The following NTM variants were observed in gnomAD, a reference collection of about 807,000 sequenced individuals.
NTM encodes neurotrimin, also known as IgLON family member 2.
Under a neutral mutation model 42.1 loss-of-function variants are expected in NTM, and 13 were observed. The ratio of observed to expected loss-of-function variants is 0.31; its 90% CI spans 0.20 to 0.49. The LOEUF is 0.49. NTM is among the 20% of genes least tolerant of loss of function. The pLI, the probability that NTM is intolerant of heterozygous loss-of-function variation, is 0.99. For missense variants in NTM, 373 were observed against 452.8 expected, an observed-to-expected ratio of 0.82 and a Z score of 1.60; for synonymous variants, 187 against 179.2, an observed-to-expected ratio of 1.04 and a Z score of -0.35.
intron 7 of NTM, chr11:132,315,014 C>T: frequency 1.2e-5 from 14 of 1,127,510 alleles, no homozygotes; most frequent in Non-Finnish European, 1.5e-5. Context: ...GTTCATGTTT[C>T]ATTCTATAAT....
At chr11:132,206,624 C>T (rs959505622) in intron 3 of NTM, among the ~76,000 whole-genome samples, 2 of 152,188 alleles carry the variant, frequency 1.3e-5, no homozygotes, top group African/African-American at 2.4e-5. Flanking sequence ...ATAGTAGAGC[C>T]GGATCTCAGC....
intron 4 of NTM, among the ~76,000 whole-genome samples, chr11:132,226,286 C>T (rs1222740789): frequency 6.6e-6 from 1 of 152,182 alleles, no homozygotes; most frequent in East Asian, 1.9e-4. Context: ...GGAATTGCCA[C>T]ACTGTCTTGC....
intron 1 of NTM, among the ~76,000 whole-genome samples, chr11:131,789,636 A>AGAAGAAGAAGGAGAAGGAG: frequency 6.5e-5 from 2 of 30,902 alleles, no homozygotes; most frequent in South Asian, 1.7e-3. Context: ...AAGAAGAAGA[A>AGAAGAAGAAGGAGAAGGAG]AAGAAGAAGA....
At chr11:132,049,411 C>T (rs1444338657) in intron 2 of NTM, among the ~76,000 whole-genome samples, 2 of 152,186 alleles carry the variant, frequency 1.3e-5, no homozygotes, top group African/African-American at 2.4e-5. Flanking sequence ...TCATCCATGC[C>T]AGTCTCCTCC....
intron 2 of NTM, among the ~76,000 whole-genome samples, chr11:132,038,815 C>T (rs1293436805): frequency 6.6e-6 from 1 of 152,170 alleles, no homozygotes; most frequent in Non-Finnish European, 1.5e-5. Flanking sequence ...TGTCTGCCTT[C>T]CTCACGTCCC....
chr11:131,630,370 A>T (rs1331998859), intron 1 of NTM, among the ~76,000 whole-genome samples: 1 of 152,186 alleles, frequency 6.6e-6, no homozygotes, highest in Non-Finnish European at 1.5e-5. Context: ...CCTAGCTTCA[A>T]AGATTTGGAC....
chr11:132,104,933 A>ATGTG (rs1555263237), intron 2 of NTM, among the ~76,000 whole-genome samples: 1 of 14,638 alleles, frequency 6.8e-5, no homozygotes, highest in Non-Finnish European at 1.3e-4. Flanking sequence ...CCATATATAC[A>ATGTG]TATGTATATA....
At chr11:131,833,009 A>C (rs2043016941) in intron 1 of NTM, among the ~76,000 whole-genome samples, 1 of 152,222 alleles carries the variant, frequency 6.6e-6, no homozygotes. Context: ...TTAGAATTAA[A>C]GTTGTCATAA....
chr11:131,857,553 C>A (rs568390216), intron 1 of NTM, among the ~76,000 whole-genome samples: 1 of 152,138 alleles, frequency 6.6e-6, no homozygotes, highest in Non-Finnish European at 1.5e-5. Context: ...GTTCTCTTTG[C>A]GTGTTCACAC....
At chr11:132,111,134 G>T (rs1010749119) in intron 2 of NTM, among the ~76,000 whole-genome samples, 3 of 126,196 alleles carry the variant, frequency 2.4e-5, no homozygotes, top group African/African-American at 5.8e-5. Context: ...AGAAAACTAT[G>T]GTCCAAAGTT....
chr11:131,610,838 T>C (rs2061410626), intron 1 of NTM, among the ~76,000 whole-genome samples: 1 of 152,204 alleles, frequency 6.6e-6, no homozygotes, highest in South Asian at 2.1e-4. Flanking sequence ...TCCTAAATGC[T>C]GGACCAAGGA....
At chr11:131,702,394 C>T (rs1039436243) in intron 1 of NTM, among the ~76,000 whole-genome samples, 5 of 152,198 alleles carry the variant, frequency 3.3e-5, no homozygotes, top group African/African-American at 1.2e-4. Context: ...ATCTCATCAT[C>T]ACAACAGTAG....
chr11:132,185,765 C>T (rs2078294592), intron 3 of NTM, among the ~76,000 whole-genome samples: 1 of 152,196 alleles, frequency 6.6e-6, no homozygotes, highest in African/African-American at 2.4e-5. Flanking sequence ...AAGAGCATAG[C>T]TTTCATGAAA....
intron 2 of NTM, among the ~76,000 whole-genome samples, chr11:132,101,568 G>A (rs1014010694): frequency 9.2e-5 from 14 of 151,896 alleles, no homozygotes; most frequent in African/African-American, 2.2e-4. Flanking sequence ...GTGTGTGTGT[G>A]TGTGTGTGTG....
intron 2 of NTM, among the ~76,000 whole-genome samples, chr11:132,043,462 CTCT>C (rs1354111745): frequency 1.3e-5 from 2 of 152,216 alleles, no homozygotes; most frequent in Non-Finnish European, 2.9e-5. Context: ...TTCCTGCATC[CTCT>C]GTCACTGTAC....
At chr11:131,399,458 C>T (rs551184269) in intron 1 of NTM, among the ~76,000 whole-genome samples, 4 of 152,252 alleles carry the variant, frequency 2.6e-5, no homozygotes, top group Non-Finnish European at 2.9e-5. Context: ...ACCCCAGTTG[C>T]TATGTATGGA....
chr11:132,044,494 G>A (rs2077704837), intron 2 of NTM, among the ~76,000 whole-genome samples: 1 of 152,126 alleles, frequency 6.6e-6, no homozygotes, highest in African/African-American at 2.4e-5. Flanking sequence ...CCCCTCTTCT[G>A]AATTTCCTCA....
chr11:132,120,408 T>C (rs1566214063), intron 2 of NTM, among the ~76,000 whole-genome samples: 1 of 152,290 alleles, frequency 6.6e-6, no homozygotes, highest in East Asian at 1.9e-4. Context: ...CGACTGAGTT[T>C]AGGTCTCCCT....
chr11:131,764,058 C>A (rs2084712812), intron 1 of NTM, among the ~76,000 whole-genome samples: 1 of 151,840 alleles, frequency 6.6e-6, no homozygotes, highest in African/African-American at 2.4e-5. Context: ...TGCTAGGAGA[C>A]AGCAATAATA....
Sources: allele counts gnomAD v4.1 joint callset (sites outside exome capture counted in the v4.1 genomes callset), GRCh38; gene constraint gnomAD v4.1.1; transcripts MANE v1.5; gene names NCBI Gene and HGNC (gene_info 2026-07-23, HGNC 2026-07-21).